SRRM1: variants seen among roughly 807,000 people sequenced by gnomAD.
SRRM1 encodes the protein serine/arginine repetitive matrix protein 1.
A neutral mutation model predicts 110.2 loss-of-function variants in SRRM1; 19 were observed. That is an observed-to-expected ratio of 0.17 (90% confidence interval 0.12 to 0.25). The LOEUF (loss-of-function observed/expected upper bound fraction) is 0.25, where lower values mean the gene tolerates loss of function less well. Among genes scored for constraint, SRRM1 ranks in the 10% least tolerant of loss-of-function variants. SRRM1 has a pLI of 1.00. For missense variants in SRRM1, 918 were observed against 1,145.8 expected (o/e 0.80, Z 2.87); for synonymous variants, 443 against 414.9 (o/e 1.07, Z -0.82).
At chr1:24,671,628 A>C (rs780927153) in intron 16 of SRRM1, 33 bp downstream of exon 16, 1 of 1,536,100 alleles carries the variant, frequency 6.5e-7, no homozygotes, top group East Asian at 2.3e-5. Flanking sequence ...GCTGTCTTGC[A>C]GTTTACGTAC....
At chr1:24,668,207 G>C (rs931119021) in intron 13 of SRRM1, among the ~76,000 whole-genome samples, 2 of 151,608 alleles carry the variant, frequency 1.3e-5, no homozygotes, top group African/African-American at 4.8e-5. Context: ...CCTGACCTCA[G>C]GTGATCCGCC....
intron 6 of SRRM1, among the ~76,000 whole-genome samples, chr1:24,652,029 A>AATATATAT (rs1215778545): frequency 0.037 from 2,912 of 79,686 alleles, 177 homozygotes; most frequent in African/African-American, 0.071. Context: ...CTGTACTAAA[A>AATATATAT]ATATATATAT....
In SRRM1 at chr1:24,669,257, C is replaced by T. The variant is rs751392934; in HGVS notation, c.1874C>T (p.Ala625Val). The change falls in exon 14 of 17, where the codon GCA (alanine) becomes GTA (valine). Residue 625 changes from alanine (A) to valine (V), a missense_variant. By Grantham distance (64) the Ala-to-Val change is moderately conservative. Coordinates refer to ENST00000323848, the MANE Select transcript of SRRM1 (RefSeq NM_005839.4). ...ASPPPPPKRR[A>V]SPSPPPKRRV... ...CCTCCTCCCCCTCCTAAACGAAGAGCATCACCATCTCCACCACCAAAGCGG... is the reference window on the plus strand; with the variant it reads ...CCTCCTCCCCCTCCTAAACGAAGAGTATCACCATCTCCACCACCAAAGCGG... 5 of 1,614,052 alleles carry T rather than the reference C, an allele frequency of 3.1e-6. No homozygotes were observed. The highest frequency in any genetic ancestry group is 4.2e-6 in the Non-Finnish European group (5 of 1,180,054).
Position 24,654,737 on chromosome 1 carries a change from A to C in SRRM1, c.1041-118A>C. 1.6e-6 allele frequency: 2 copies of C among 1,218,020 alleles called. 1 individual carries two copies. Among genetic ancestry groups the C allele is most frequent in the South Asian group, 2.8e-5 (2 of 71,000 alleles). 75.5% of individuals were successfully genotyped at this position (1,218,020 alleles called of 1,614,324 possible). On this transcript the variant is annotated intron_variant, in intron 8 of 16. Transcript: ENST00000323848. ...TTCTTTTGGACTCATTTATGTGCTT[A>C]GCTACATAAACTCAAAAGTCGGATT... is the stretch of plus-strand genomic sequence containing the variant.
chr1:24,653,560 A>G (rs981546315), intron 8 of SRRM1, among the ~76,000 whole-genome samples: 2 of 152,208 alleles, frequency 1.3e-5, no homozygotes, highest in Non-Finnish European at 2.9e-5. Flanking sequence ...GAATATATCT[A>G]TATTCCATAG....
Position 24,652,468 on chromosome 1 carries a change from C to G in SRRM1, c.760C>G (p.Pro254Ala), listed in dbSNP as rs780878443. Residue 254 changes from proline to alanine, a missense_variant, in exon 7 of 17, where the codon CCA becomes GCA. By Grantham distance (27) the Pro-to-Ala change is conservative. Transcript: ENST00000323848. ...GAAAGTTCCCAAACCTGAACCTATA[C>G]CAGAGCCTAAAGAACCTTCTCCGGA... ...ILKVPKPEPIPEPKEPSPEKN... is the reference protein window; with the variant it reads ...ILKVPKPEPIAEPKEPSPEKN... 1.3e-6 allele frequency: 2 copies of G among 1,597,790 alleles called. No individual in the cohort carries two copies. The highest frequency in any genetic ancestry group is 1.7e-6 in the Non-Finnish European group (2 of 1,172,488).
chr1:24,655,090 A>G lies in SRRM1; in HGVS notation c.1276A>G (p.Ser426Gly). ...CCAGCAGTCAAACCGTACAAGAAAA[A>G]GTCGTGTTTCTGTGTCTCCAGGGAG... is the stretch of plus-strand genomic sequence containing the variant. ...TPQQSNRTRK[S>G]RVSVSPGRTS... The change falls in exon 9 of 17, where the codon AGT (serine) becomes GGT (glycine). Residue 426 changes from serine to glycine, a missense_variant. Ser to Gly is a moderately conservative substitution (Grantham distance 56). Transcript: ENST00000323848. 6.2e-7 allele frequency: 1 copy of G among 1,614,174 alleles called. No individual in the cohort carries two copies.
Position 24,648,882 on chromosome 1 carries a change from A to G in SRRM1, c.258A>G (p.Gln86=). 2 of 1,612,406 alleles carry G rather than the reference A, an allele frequency of 1.2e-6. No individual in the cohort carries two copies. The highest frequency in any genetic ancestry group is 1.7e-5 in the Admixed American group (1 of 59,932). The change falls in exon 4 of 17, where the codon CAA becomes CAG. Residue 86 remains glutamine (Q), a synonymous_variant. Coordinates refer to ENST00000323848, the MANE Select transcript of SRRM1 (RefSeq NM_005839.4). ...EVKNPDSKMM[Q]INLTGFLNGK... ...AGAATCCAGACTCCAAAATGATGCA[A>G]ATCAACCTGACTGGATTTTTGAATG...
intron 15 of SRRM1, 111 bp from the exon 16 acceptor site, chr1:24,671,275 G>C: frequency 8.3e-7 from 1 of 1,198,524 alleles, no homozygotes; most frequent in Non-Finnish European, 1.2e-6. Context: ...AAAGCCTTTC[G>C]GAAATCTTGA....
At chr1:24,647,535 A>G (rs1470162736) in intron 3 of SRRM1, 1 of 152,580 alleles carries the variant, frequency 6.6e-6, no homozygotes, top group East Asian at 1.9e-4. Flanking sequence ...GAACATTCTT[A>G]TTGTAAGACA....
rs200645222 is a variant in SRRM1, at chr1:24,649,038, C to T, written c.405+9C>T. 5.6e-6 allele frequency: 9 copies of T among 1,609,378 alleles called. No homozygotes were observed. Among genetic ancestry groups the T allele is most frequent in the Admixed American group, 5.1e-5 (3 of 58,408 alleles). Reference sequence around the variant, plus strand: ...AAATAAAACAAAGACAGGTAATAACCTTTTCTTTTCTGTAATGTCGATTTG... The same window carrying T: ...AAATAAAACAAAGACAGGTAATAACTTTTTCTTTTCTGTAATGTCGATTTG... On this transcript the variant is annotated intron_variant, in intron 4 of 16. Coordinates refer to ENST00000323848, the MANE Select transcript of SRRM1 (RefSeq NM_005839.4).
chr1:24,670,564 A>G (rs111967308), intron 15 of SRRM1, among the ~76,000 whole-genome samples: 34 of 152,314 alleles, frequency 2.2e-4, no homozygotes, highest in African/African-American at 8.2e-4. Context: ...TGGGATGATC[A>G]TAGCTCACAG....
intron 9 of SRRM1, 55 bp from the exon 10 acceptor site, chr1:24,660,664 C>T (rs1388359903): frequency 3.4e-6 from 3 of 880,524 alleles, no homozygotes; most frequent in Non-Finnish European, 5.2e-6. Flanking sequence ...AGAAAAGCAT[C>T]TTGTATAGAC....
At chr1:24,652,061 T>TGTAC (rs1661218883) in intron 6 of SRRM1, among the ~76,000 whole-genome samples, 3 of 133,994 alleles carry the variant, frequency 2.2e-5, no homozygotes, top group African/African-American at 8.6e-5. Context: ...TATATATATA[T>TGTAC]ATGTACACAC....
intron 8 of SRRM1, 108 bp from the exon 9 acceptor site, chr1:24,654,747 A>C: frequency 7.4e-7 from 1 of 1,356,472 alleles, no homozygotes; most frequent in Non-Finnish European, 1.0e-6. Flanking sequence ...AGCTACATAA[A>C]CTCAAAAGTC....
At chr1:24,652,038 A>ATG (rs1386822271) in intron 6 of SRRM1, among the ~76,000 whole-genome samples, 2 of 114,052 alleles carry the variant, frequency 1.8e-5, no homozygotes, top group Admixed American at 1.7e-4. Flanking sequence ...AAATATATAT[A>ATG]TATATATATA....
rs996257986 is a variant in SRRM1 at position 24,646,988 on chromosome 1, A to G, written c.234+199A>G. 16 of 415,298 alleles carry G rather than the reference A, an allele frequency of 3.9e-5. 1 individual carries two copies. In the Middle Eastern group the frequency reaches 5.6e-3, roughly 146 times the overall value. 25.7% of individuals were successfully genotyped at this position (415,298 alleles called of 1,614,324 possible). A position where few individuals can be genotyped will look rare whatever the true frequency, so the allele number is the denominator to read the frequency against. On this transcript the variant is annotated intron_variant, in intron 3 of 16. Transcript: ENST00000323848. ...TAGTTTTGAAAGCTACACAGGTGAA[A>G]AATCAAACTTATTGTTTGTAATTTT... is the stretch of plus-strand genomic sequence containing the variant.
At chr1:24,655,834 A>T (rs988124714) in intron 9 of SRRM1, among the ~76,000 whole-genome samples, 1 of 152,306 alleles carries the variant, frequency 6.6e-6, no homozygotes, top group East Asian at 1.9e-4. Flanking sequence ...TATACAGCCT[A>T]AAAGGTGAGT....
At chr1:24,666,565 C>G (rs1453311557) in intron 12 of SRRM1, 1 of 353,814 alleles carries the variant, frequency 2.8e-6, no homozygotes, top group Non-Finnish European at 5.3e-6. Flanking sequence ...AGTTCAAGAC[C>G]AGCTTGGCCA....
Sources: allele counts gnomAD v4.1 joint callset (sites outside exome capture counted in the v4.1 genomes callset), GRCh38; gene constraint gnomAD v4.1.1; transcripts MANE v1.5; gene names NCBI Gene and HGNC (gene_info 2026-07-23, HGNC 2026-07-21).